LRP1B: variants seen among roughly 807,000 people sequenced by gnomAD.
LRP1B encodes LDL receptor related protein 1B.
In LRP1B, 217 loss-of-function variants were observed where a neutral mutation model predicts 556.6. The observed-to-expected ratio is 0.39, with a 90% CI of 0.35 to 0.44. The LOEUF is 0.44. LRP1B is among the 20% of genes least tolerant of loss of function. The probability of loss-of-function intolerance (pLI) is 1.00; values close to 1 mark genes in which losing one functional copy is unlikely to be tolerated. For synonymous variants in LRP1B, 2,047 were observed against 1,865.8 expected (o/e 1.10, Z -2.50); for missense variants, 5,053 against 5,620.8 (o/e 0.90, Z 3.23).
At chr2:141,739,633 A>G (rs1239328229) in intron 2 of LRP1B, among the ~76,000 whole-genome samples, 1 of 151,844 alleles carries the variant, frequency 6.6e-6, no homozygotes, top group Non-Finnish European at 1.5e-5. Context: ...AACTAAACTA[A>G]TAATAGAAAG....
intron 2 of LRP1B, among the ~76,000 whole-genome samples, chr2:141,566,165 A>G (rs1686323543): frequency 6.6e-6 from 1 of 151,866 alleles, no homozygotes. Context: ...GGAAAAAAAA[A>G]AAGAAAAAAG....
At chr2:141,346,962 T>C (rs1313545472) in intron 3 of LRP1B, among the ~76,000 whole-genome samples, 2 of 152,138 alleles carry the variant, frequency 1.3e-5, no homozygotes, top group African/African-American at 4.8e-5. Flanking sequence ...TGAGAATTAT[T>C]GAATGCATAT....
chr2:140,715,379 A>T (rs1302886344), intron 37 of LRP1B, among the ~76,000 whole-genome samples: 1 of 152,108 alleles, frequency 6.6e-6, no homozygotes, highest in Non-Finnish European at 1.5e-5. Context: ...GATTGCTAAT[A>T]GATTTATTTA....
Position 140,907,893 on chromosome 2 carries a change from A to G in LRP1B, c.3504T>C (p.Asp1168=). 2 of 1,613,502 alleles carry G rather than the reference A, an allele frequency of 1.2e-6. No homozygotes were observed. The highest frequency in any genetic ancestry group is 1.7e-6 in the Non-Finnish European group (2 of 1,179,546). Residue 1168 remains aspartate, a synonymous_variant, in exon 22 of 91, where the codon GAT becomes GAC. Coordinates refer to ENST00000389484, the MANE Select transcript of LRP1B (RefSeq NM_018557.3). ...NGKKDCPDGS[D]EGYLCDECSL... ...ATGCAATACCACAGAGATAGCCTTC[A>G]TCAGAGCCATCAGGACAATCCTTTT...
At chr2:141,316,892 G>T (rs1420912637) in intron 3 of LRP1B, among the ~76,000 whole-genome samples, 4 of 152,162 alleles carry the variant, frequency 2.6e-5, no homozygotes, top group African/African-American at 9.7e-5. Context: ...GTACTAGCCA[G>T]TTTTGCTTTG....
chr2:140,819,352 A>C (rs1039138981), intron 31 of LRP1B, among the ~76,000 whole-genome samples: 5 of 152,232 alleles, frequency 3.3e-5, no homozygotes, highest in Admixed American at 6.5e-5. Flanking sequence ...TCTTTCAATT[A>C]TAAAACAAGC....
intron 3 of LRP1B, among the ~76,000 whole-genome samples, chr2:141,356,873 T>G (rs1303468798): frequency 6.6e-6 from 1 of 152,118 alleles, no homozygotes; most frequent in East Asian, 1.9e-4. Context: ...AAAGCTTTTT[T>G]CTTATTATCG....
chr2:141,036,554 G>A (rs1019166293), intron 11 of LRP1B, among the ~76,000 whole-genome samples: 2 of 152,044 alleles, frequency 1.3e-5, no homozygotes, highest in African/African-American at 4.8e-5. Context: ...TCTAGAAAAG[G>A]AGCAGGGAAC....
intron 31 of LRP1B, among the ~76,000 whole-genome samples, chr2:140,838,110 G>T (rs1691976116): frequency 6.6e-6 from 1 of 151,850 alleles, no homozygotes; most frequent in South Asian, 2.1e-4. Context: ...TATTAGAAAA[G>T]ATAAGGTTTT....
intron 3 of LRP1B, among the ~76,000 whole-genome samples, chr2:141,396,152 C>CA (rs199665998): frequency 3.3e-5 from 5 of 151,280 alleles, no homozygotes; most frequent in South Asian, 2.1e-4. Context: ...AGGCAGCTGT[C>CA]AAAAAAAATA....
chr2:140,380,345 G>A (rs147278710), intron 67 of LRP1B, among the ~76,000 whole-genome samples: 2 of 152,182 alleles, frequency 1.3e-5, no homozygotes, highest in East Asian at 1.9e-4. Flanking sequence ...TAAAGCCCTG[G>A]GAAGCCAAGT....
intron 86 of LRP1B, among the ~76,000 whole-genome samples, chr2:140,262,233 A>G (rs1169848929): frequency 6.6e-6 from 1 of 152,150 alleles, no homozygotes; most frequent in Non-Finnish European, 1.5e-5. Context: ...TAATAACACC[A>G]TATATCACAG....
At chr2:141,528,897 T>C (rs1256553793) in intron 2 of LRP1B, among the ~76,000 whole-genome samples, 2 of 152,222 alleles carry the variant, frequency 1.3e-5, no homozygotes, top group African/African-American at 4.8e-5. Flanking sequence ...ATAAAGATCT[T>C]CTATTTAATA....
chr2:141,369,772 A>G (rs1689161978), intron 3 of LRP1B, among the ~76,000 whole-genome samples: 1 of 152,166 alleles, frequency 6.6e-6, no homozygotes, highest in Non-Finnish European at 1.5e-5. Context: ...AGCAATGCAC[A>G]TTGTACCCCC....
chr2:140,493,048 T>C (rs1688769288), intron 56 of LRP1B, among the ~76,000 whole-genome samples: 1 of 152,172 alleles, frequency 6.6e-6, no homozygotes, highest in Admixed American at 6.6e-5. Context: ...AAACCTACAG[T>C]ACAGCTAAAA....
At chr2:141,319,177 C>T (rs116228269) in intron 3 of LRP1B, among the ~76,000 whole-genome samples, 12 of 151,948 alleles carry the variant, frequency 7.9e-5, no homozygotes, top group Admixed American at 6.6e-4. Flanking sequence ...TTTGTAATAT[C>T]GTCAACAAAT....
At chr2:140,871,621 T>A (rs1201237590) in intron 25 of LRP1B, among the ~76,000 whole-genome samples, 1 of 152,140 alleles carries the variant, frequency 6.6e-6, no homozygotes, top group Non-Finnish European at 1.5e-5. Context: ...TTAAAATAAT[T>A]TCAGTTTCAT....
At chr2:140,797,082 G>A (rs140219915) in intron 32 of LRP1B, among the ~76,000 whole-genome samples, 10 of 151,966 alleles carry the variant, frequency 6.6e-5, no homozygotes, top group African/African-American at 2.4e-4. Context: ...CCCTGAGACA[G>A]GCAGCAGCTG....
intron 41 of LRP1B, among the ~76,000 whole-genome samples, chr2:140,672,791 T>C (rs771961561): frequency 6.6e-6 from 1 of 152,216 alleles, no homozygotes; most frequent in African/African-American, 2.4e-5. Flanking sequence ...CTCAAAAACG[T>C]TGTGTCTTCT....
Sources: allele counts gnomAD v4.1 joint callset (sites outside exome capture counted in the v4.1 genomes callset), GRCh38; gene constraint gnomAD v4.1.1; transcripts MANE v1.5; gene names NCBI Gene and HGNC (gene_info 2026-07-23, HGNC 2026-07-21).